ADAMTS17: variants seen among roughly 807,000 people sequenced by gnomAD.
ADAMTS17 encodes the protein ADAM metallopeptidase with thrombospondin type 1 motif 17.
Under a neutral mutation model 141.5 loss-of-function variants are expected in ADAMTS17, and 113 were observed. That is an observed-to-expected ratio of 0.80 (90% CI 0.69 to 0.93). The LOEUF (loss-of-function observed/expected upper bound fraction) is 0.93, where lower values mean the gene tolerates loss of function less well. Ranked by LOEUF, ADAMTS17 falls within the 40% of genes least tolerant of loss-of-function variation. The pLI is 0.00. For missense variants in ADAMTS17, 1,659 were observed against 1,517.9 expected, an observed-to-expected ratio of 1.09 and a Z score of -1.54; for synonymous variants, 768 against 630.6, an observed-to-expected ratio of 1.22 and a Z score of -3.27.
At chr15:100,252,473 C>T (rs1203448720) in intron 7 of ADAMTS17, among the ~76,000 whole-genome samples, 1 of 152,184 alleles carries the variant, frequency 6.6e-6, no homozygotes, top group African/African-American at 2.4e-5. Context: ...ATTATGTCTC[C>T]ACGGGGCAAG....
intron 4 of ADAMTS17, among the ~76,000 whole-genome samples, chr15:100,281,000 T>C (rs950063299): frequency 6.6e-6 from 1 of 152,224 alleles, no homozygotes; most frequent in African/African-American, 2.4e-5. Context: ...TGAGCAGATC[T>C]GGGCACTTCA....
intron 12 of ADAMTS17, among the ~76,000 whole-genome samples, chr15:100,119,429 G>T (rs1281557309): frequency 6.6e-6 from 1 of 152,206 alleles, no homozygotes; most frequent in Non-Finnish European, 1.5e-5. Flanking sequence ...GTTCGTAGAA[G>T]AATAAAGAAA....
Position 99,993,564 on chromosome 15 carries a change from CAG to C in ADAMTS17, c.2797-366_2797-365del, listed in dbSNP as rs1299574719. Among the ~76,000 whole-genome samples, 1 of 152,172 alleles carries C rather than the reference CAG, an allele frequency of 6.6e-6. No homozygotes were observed. The highest frequency in any genetic ancestry group is 1.5e-5 in the Non-Finnish European group (1 of 68,032). On this transcript the variant is annotated intron_variant, in intron 19 of 21. Transcript: ENST00000268070. This position sits in a 1 kb window ranked among gnomAD's most constrained non-coding sequence, Gnocchi z 4.3. The stretch of plus-strand genomic sequence containing the variant: ...ATGGAGCCATGAGTGGGGCAGGGAA[CAG>C]GGGCCAGCCGGAGCAAGGTGAGGCC...
intron 18 of ADAMTS17, among the ~76,000 whole-genome samples, chr15:100,018,903 A>ATGCT (rs200960221): frequency 0.014 from 2,058 of 152,340 alleles, 16 homozygotes; most frequent in Middle Eastern, 0.034. Flanking sequence ...TACTGGTGAG[A>ATGCT]TGCTATCTAC....
At chr15:100,212,526 G>A (rs1187267434) in intron 7 of ADAMTS17, among the ~76,000 whole-genome samples, 3 of 151,950 alleles carry the variant, frequency 2.0e-5, no homozygotes, top group East Asian at 1.9e-4. Context: ...ATTTCCAAAG[G>A]GATCCATAAC....
chr15:100,235,867 A>C (rs774038992), intron 7 of ADAMTS17, among the ~76,000 whole-genome samples: 7 of 152,212 alleles, frequency 4.6e-5, no homozygotes, highest in Non-Finnish European at 8.8e-5. Context: ...ACATGAGGAC[A>C]AGTAAATTGC....
intron 7 of ADAMTS17, among the ~76,000 whole-genome samples, chr15:100,247,257 TAAC>T (rs1173805508): frequency 1.3e-5 from 2 of 151,492 alleles, no homozygotes; most frequent in Admixed American, 6.6e-5. Flanking sequence ...TTACAAGGAA[TAAC>T]AATACAGTGG....
rs73472465 is a variant in ADAMTS17 at position 100,039,581 on chromosome 15, G to A, written c.2591+9276C>T. ...CTTCTTTCTCTTACTGATTTCTAAT[G>A]TCATTCCACGGTGGCCAGAAAACAT... On this transcript the variant is annotated intron_variant, in intron 18 of 21. Coordinates refer to ENST00000268070, the MANE Select transcript of ADAMTS17 (RefSeq NM_139057.4). Among the ~76,000 whole-genome samples, 1,110 of 152,228 alleles carry A rather than the reference G, an allele frequency of 7.3e-3. 16 individuals carry two copies. Among genetic ancestry groups the A allele is most frequent in the African/African-American group, 0.025 (1,059 of 41,540 alleles).
chr15:100,154,867 G>T (rs562820969), intron 9 of ADAMTS17, among the ~76,000 whole-genome samples: 58 of 152,262 alleles, frequency 3.8e-4, no homozygotes, highest in African/African-American at 1.2e-3. Context: ...GGCGCCCCAA[G>T]GTGACCACAC....
chr15:100,103,228 G>T (rs746018557), intron 14 of ADAMTS17, among the ~76,000 whole-genome samples: 1 of 152,228 alleles, frequency 6.6e-6, no homozygotes, highest in Non-Finnish European at 1.5e-5. Context: ...TATCCATAAA[G>T]GTTTGGCACC....
At chr15:100,213,004 AG>A (rs573964288) in intron 7 of ADAMTS17, among the ~76,000 whole-genome samples, 21 of 152,338 alleles carry the variant, frequency 1.4e-4, no homozygotes, top group African/African-American at 5.1e-4. Context: ...TAAAAAAAGA[AG>A]AAAAACAGCT....
intron 7 of ADAMTS17, among the ~76,000 whole-genome samples, chr15:100,223,082 T>A (rs1468891438): frequency 6.6e-6 from 1 of 152,198 alleles, no homozygotes; most frequent in Non-Finnish European, 1.5e-5. Flanking sequence ...ACATTTCAGT[T>A]TTCTCTTACT....
chr15:100,098,063 T>C (rs1361284958), intron 14 of ADAMTS17, among the ~76,000 whole-genome samples: 1 of 152,140 alleles, frequency 6.6e-6, no homozygotes, highest in Non-Finnish European at 1.5e-5. Flanking sequence ...TGTTCAAAGT[T>C]AGTATAAAAA....
At chr15:100,273,181 T>A (rs2043972696) in intron 4 of ADAMTS17, among the ~76,000 whole-genome samples, 1 of 152,180 alleles carries the variant, frequency 6.6e-6, no homozygotes, top group Admixed American at 6.5e-5. Flanking sequence ...TTTCTTTTCT[T>A]TGGCTTTGTT....
intron 7 of ADAMTS17, 109 bp downstream of exon 7, chr15:100,254,027 G>A (rs949145246): frequency 9.6e-7 from 1 of 1,037,494 alleles, no homozygotes. Context: ...GAAGGCAACA[G>A]AATGTGCAGT....
At chr15:100,246,532 C>T (rs189540720) in intron 7 of ADAMTS17, among the ~76,000 whole-genome samples, 3 of 152,280 alleles carry the variant, frequency 2.0e-5, no homozygotes, top group Admixed American at 1.3e-4. Context: ...TTTGGAACAA[C>T]GAATATGTAA....
Position 100,051,646 on chromosome 15 carries a change from G to A in ADAMTS17, c.2381C>T (p.Pro794Leu), listed in dbSNP as rs764382199. The A allele has an allele frequency of 6.2e-7, 1 of 1,614,030 alleles. No homozygotes were observed. Among genetic ancestry groups the A allele is most frequent in the Non-Finnish European group, 8.5e-7 (1 of 1,180,038 alleles). The part of the protein sequence containing the change: ...VNRTAENQSE[P>L]EKPQDSLFIW... ...GAACAAAGAGTCCTGCGGTTTTTCT[G>A]GTTCGCTTTGATTTTCCGCAGTGCG... The change falls in exon 17 of 22, where the codon CCA (proline) becomes CTA (leucine). Residue 794 changes from proline (P) to leucine (L), a missense_variant. Transcript: ENST00000268070.
intron 10 of ADAMTS17, among the ~76,000 whole-genome samples, chr15:100,137,656 C>T (rs1277445800): frequency 6.6e-6 from 1 of 152,186 alleles, no homozygotes; most frequent in East Asian, 1.9e-4. Flanking sequence ...GCTGAGCTCA[C>T]CCCCAAGTAA....
At chr15:100,143,929 A>C (rs1421515833) in intron 10 of ADAMTS17, among the ~76,000 whole-genome samples, 2 of 152,220 alleles carry the variant, frequency 1.3e-5, no homozygotes, top group Non-Finnish European at 2.9e-5. Context: ...AGAAGAACAT[A>C]CAGAGAGGAC....
Sources: gnomAD v4.1 joint callset for allele counts (sites outside exome capture counted in the v4.1 genomes callset) on GRCh38, gnomAD v4.1.1 for gene constraint, Gnocchi (gnomAD v3.1) non-coding constraint, MANE v1.5 for transcripts, NCBI Gene and HGNC (gene_info 2026-07-23, HGNC 2026-07-21) for gene names.